Variants in EPB41L2 observed in about 807,000 individuals in gnomAD.
EPB41L2 encodes band 4.1-like protein 2.
In EPB41L2, 43 loss-of-function variants were observed where a neutral mutation model predicts 113.0. The observed-to-expected ratio is 0.38, with a 90% CI of 0.30 to 0.49. The LOEUF (loss-of-function observed/expected upper bound fraction) is 0.49, where lower values mean the gene tolerates loss of function less well. Among genes scored for constraint, EPB41L2 ranks in the 20% least tolerant of loss-of-function variants. The pLI is 0.95. For synonymous variants in EPB41L2, 442 were observed against 436.7 expected, an observed-to-expected ratio of 1.01 and a Z score of -0.15; for missense variants, 1,147 against 1,223.4, an observed-to-expected ratio of 0.94 and a Z score of 0.93.
intron 3 of EPB41L2, among the ~76,000 whole-genome samples, chr6:130,935,656 T>C (rs1434416884): frequency 6.6e-6 from 1 of 152,188 alleles, no homozygotes; most frequent in Non-Finnish European, 1.5e-5. Flanking sequence ...TAAATGCTAA[T>C]TTTTAGTTTT....
At chr6:131,034,526 T>C (rs12205045) in intron 1 of EPB41L2, among the ~76,000 whole-genome samples, 7 of 152,174 alleles carry the variant, frequency 4.6e-5, no homozygotes, top group African/African-American at 7.2e-5. Context: ...ATTGAGACCC[T>C]GTGTCAAAAA....
In EPB41L2 at chr6:130,894,305, C is replaced by A. The variant is rs757400133; in HGVS notation, c.1487+39G>T. The A allele has an allele frequency of 4.8e-5, 74 of 1,538,396 alleles. No individual in the cohort carries two copies. The South Asian group carries it at 8.1e-4, about 17-fold the overall frequency. ...GAGTCAGTGGAATTACAGGCATGTGCGATCATGCCCGGCTTCCGAGCTGTT... is the reference window on the plus strand; with the variant it reads ...GAGTCAGTGGAATTACAGGCATGTGAGATCATGCCCGGCTTCCGAGCTGTT... On this transcript the variant is annotated intron_variant, in intron 10 of 19. Coordinates refer to ENST00000337057, the MANE Select transcript of EPB41L2 (RefSeq NM_001431.4).
chr6:130,943,298 G>T (rs542825471), intron 3 of EPB41L2, among the ~76,000 whole-genome samples: 1 of 152,146 alleles, frequency 6.6e-6, no homozygotes. Flanking sequence ...TCTAACTGGC[G>T]TGAGTACATA....
At chr6:130,937,414 G>A (rs181515119) in intron 3 of EPB41L2, among the ~76,000 whole-genome samples, 28 of 152,238 alleles carry the variant, frequency 1.8e-4, no homozygotes, top group Non-Finnish European at 2.2e-4. Context: ...TTTCAATCTG[G>A]CCAGGCTACA....
chr6:130,957,158 C>T (rs1056983574), intron 1 of EPB41L2, among the ~76,000 whole-genome samples: 1 of 152,156 alleles, frequency 6.6e-6, no homozygotes, highest in Non-Finnish European at 1.5e-5. Context: ...CTCCGAACCT[C>T]CATCCCACCC....
Position 130,861,874 on chromosome 6 carries a change from C to CAAA in EPB41L2, c.2910+1761_2910+1763dup, listed in dbSNP as rs558987011. Among the ~76,000 whole-genome samples the CAAA allele has an allele frequency of 9.1e-5, 11 of 120,684 alleles. 1 individual carries two copies. The highest frequency in any genetic ancestry group is 2.2e-4 in the African/African-American group (7 of 32,120). The allele number at this position is 120,684 out of a possible 152,430, so 79.2% of individuals were successfully genotyped here. A position where few individuals can be genotyped will look rare whatever the true frequency, so the allele number is the denominator to read the frequency against. On this transcript the variant is annotated intron_variant, in intron 18 of 19. Coordinates refer to ENST00000337057, the MANE Select transcript of EPB41L2 (RefSeq NM_001431.4). ...GCACCAGAGGGAGACTCCATCTCCC[C>CAAA]AAAAAAAAAAAAAAAGTTTATGCTA...
intron 17 of EPB41L2, among the ~76,000 whole-genome samples, chr6:130,864,732 A>G (rs1783170319): frequency 6.6e-6 from 1 of 152,206 alleles, no homozygotes; most frequent in African/African-American, 2.4e-5. Context: ...ATGAGCACCA[A>G]CAGTACCTTG....
intron 11 of EPB41L2, among the ~76,000 whole-genome samples, chr6:130,885,529 T>A (rs1790670149): frequency 6.6e-6 from 1 of 152,160 alleles, no homozygotes. Flanking sequence ...TAAACTCAGA[T>A]CATGGAACTG....
chr6:130,873,319 C>T (rs754903371), intron 14 of EPB41L2, among the ~76,000 whole-genome samples: 2 of 152,328 alleles, frequency 1.3e-5, no homozygotes, highest in Non-Finnish European at 2.9e-5. Flanking sequence ...TTTGCTGTGT[C>T]TGGCTCTTAA....
intron 1 of EPB41L2, among the ~76,000 whole-genome samples, chr6:130,981,305 T>C (rs1779330295): frequency 1.3e-5 from 2 of 152,268 alleles, no homozygotes; most frequent in Admixed American, 6.5e-5. Context: ...TTCACTGAAA[T>C]TGCAAAGTTT....
At position 130,894,322 on chromosome 6, in the gene EPB41L2, C is replaced by T. The variant is rs374540542; in HGVS notation, c.1487+22G>A. The T allele has an allele frequency of 8.1e-6, 13 of 1,597,214 alleles. No individual in the cohort carries two copies. The African/African-American group carries it at 9.4e-5, about 12-fold the overall frequency. ...GGCATGTGCGATCATGCCCGGCTTCCGAGCTGTTTTCCTAAAATTACCTGT... is the reference window on the plus strand; with the variant it reads ...GGCATGTGCGATCATGCCCGGCTTCTGAGCTGTTTTCCTAAAATTACCTGT... On this transcript the variant is annotated intron_variant, in intron 10 of 19. Transcript: ENST00000337057.
intron 1 of EPB41L2, among the ~76,000 whole-genome samples, chr6:131,023,232 T>A (rs1001535610): frequency 6.6e-6 from 1 of 152,234 alleles, no homozygotes; most frequent in Non-Finnish European, 1.5e-5. Flanking sequence ...TTAAAGACTT[T>A]ATTATTTCAT....
chr6:130,987,428 C>T (rs1408549523), intron 1 of EPB41L2, among the ~76,000 whole-genome samples: 1 of 152,152 alleles, frequency 6.6e-6, no homozygotes, highest in African/African-American at 2.4e-5. Context: ...CGTGGTGGCT[C>T]ATGCCTGTAA....
chr6:130,869,932 A>ACTG lies in EPB41L2; in HGVS notation c.2235_2237dup (p.Ser746dup), dbSNP rs147222924. Reference sequence around the variant, plus strand: ...CTCCCACGTCTTCCTCCTCACTCTCACTGCTGCTGCTGCTGCTCTCAGAAG... The same window carrying ACTG: ...CTCCCACGTCTTCCTCCTCACTCTCACTGCTGCTGCTGCTGCTGCTCTCAGAAG... On this transcript the variant is annotated inframe_insertion, in exon 15 of 20. Coordinates refer to ENST00000337057, the MANE Select transcript of EPB41L2 (RefSeq NM_001431.4). The ACTG allele has an allele frequency of 3.3e-5, 53 of 1,611,350 alleles. No individual in the cohort carries two copies. The highest frequency in any genetic ancestry group is 5.4e-5 in the African/African-American group (4 of 74,348).
chr6:131,020,727 G>A (rs1424369389), intron 1 of EPB41L2, among the ~76,000 whole-genome samples: 1 of 152,168 alleles, frequency 6.6e-6, no homozygotes, highest in Non-Finnish European at 1.5e-5. Flanking sequence ...ACTGAGGGGG[G>A]TTTCCCATGA....
At chr6:130,947,559 AGCT>A (rs2128601825) in intron 3 of EPB41L2, among the ~76,000 whole-genome samples, 1 of 152,328 alleles carries the variant, frequency 6.6e-6, no homozygotes, top group Admixed American at 6.5e-5. Context: ...GTTCATTAAT[AGCT>A]ACAGTTTCCC....
intron 1 of EPB41L2, among the ~76,000 whole-genome samples, chr6:130,971,599 C>T (rs1352981986): frequency 6.6e-6 from 1 of 152,242 alleles, no homozygotes; most frequent in African/African-American, 2.4e-5. Context: ...GGATAATTCA[C>T]ATCCTGCACA....
chr6:131,044,830 G>A lies in EPB41L2; in HGVS notation c.-15+18325C>T, dbSNP rs552775885. 2.6e-5 allele frequency among the ~76,000 whole-genome samples: 4 copies of A among 152,280 alleles called. 1 individual carries two copies. In the South Asian group the frequency reaches 8.3e-4, roughly 32 times the overall value. On this transcript the variant is annotated intron_variant, in intron 1 of 19. Transcript: ENST00000337057. Reference sequence around the variant, plus strand: ...TTCAAGTTGCAGTGACAGTCCACTGGTGAGTTGTGAAATTAAGTTTGTGGA... The same window carrying A: ...TTCAAGTTGCAGTGACAGTCCACTGATGAGTTGTGAAATTAAGTTTGTGGA...
intron 1 of EPB41L2, among the ~76,000 whole-genome samples, chr6:130,958,538 G>A (rs1032754447): frequency 1.3e-5 from 2 of 151,720 alleles, no homozygotes; most frequent in East Asian, 3.9e-4. Context: ...CCAGGCAGGC[G>A]TTTCTGCAGA....
Sources: allele counts gnomAD v4.1 joint callset (sites outside exome capture counted in the v4.1 genomes callset), GRCh38; gene constraint gnomAD v4.1.1; transcripts MANE v1.5; gene names NCBI Gene and HGNC (gene_info 2026-07-23, HGNC 2026-07-21).